The following SLC9A7 variants were observed in gnomAD, a reference collection of about 807,000 sequenced individuals.
SLC9A7 encodes the protein sodium/hydrogen exchanger 7.
A neutral mutation model predicts 52.6 loss-of-function variants in SLC9A7; 19 were observed. The ratio of observed to expected loss-of-function variants is 0.36; its 90% confidence interval spans 0.25 to 0.53. The LOEUF is 0.53. Among genes scored for constraint, SLC9A7 ranks in the 20% least tolerant of loss-of-function variants. SLC9A7 has a pLI of 0.91. For synonymous variants in SLC9A7, 226 were observed against 252.1 expected (o/e 0.90, Z 0.98); for missense variants, 455 against 597.9 (o/e 0.76, Z 2.49).
chrX:46,628,558 C>T (rs1569503847), intron 14 of SLC9A7, among the ~76,000 whole-genome samples: 3 of 112,361 alleles, frequency 2.7e-5, no homozygotes, highest in Non-Finnish European at 5.6e-5. Flanking sequence ...TCTGTAGCTC[C>T]CTAGCCATGA....
At chrX:46,686,376 T>A (rs891416585) in intron 1 of SLC9A7, among the ~76,000 whole-genome samples, 21 of 112,015 alleles carry the variant, frequency 1.9e-4, no homozygotes, top group Admixed American at 1.1e-3. Context: ...CCCAGACATT[T>A]TAGATTCATA....
chrX:46,654,131 C>G (rs1943630529), intron 7 of SLC9A7, among the ~76,000 whole-genome samples: 1 of 111,363 alleles, frequency 9.0e-6, no homozygotes, highest in Non-Finnish European at 1.9e-5. Context: ...TGACTCATGC[C>G]TGTAATCCTA....
chrX:46,618,162 T>C (rs190526236), intron 15 of SLC9A7, among the ~76,000 whole-genome samples: 25 of 110,684 alleles, frequency 2.3e-4, no homozygotes, highest in African/African-American at 7.9e-4. Context: ...GTCACAAAGA[T>C]AGAGTGAACC....
chrX:46,680,447 C>G (rs1944195043), intron 2 of SLC9A7, among the ~76,000 whole-genome samples: 1 of 111,319 alleles, frequency 9.0e-6, no homozygotes, highest in Admixed American at 9.6e-5. Context: ...TCCTGGATCC[C>G]CTCACAGAAT....
intron 12 of SLC9A7, among the ~76,000 whole-genome samples, chrX:46,642,602 A>G (rs917613043): frequency 3.6e-5 from 4 of 111,999 alleles, no homozygotes; most frequent in East Asian, 2.8e-4. Flanking sequence ...CCTCTTTACC[A>G]TAAGATGCTG....
At chrX:46,660,704 T>TA in intron 7 of SLC9A7, among the ~76,000 whole-genome samples, 1 of 109,397 alleles carries the variant, frequency 9.1e-6, no homozygotes, top group Middle Eastern at 4.6e-3. Flanking sequence ...TGGCCATCAT[T>TA]AAAAAGTCAG....
intron 1 of SLC9A7, among the ~76,000 whole-genome samples, chrX:46,709,325 T>C (rs1392163873): frequency 9.0e-6 from 1 of 111,011 alleles, no homozygotes; most frequent in Admixed American, 9.6e-5. Context: ...GAGGATTGCT[T>C]GAACCCAGGA....
At chrX:46,661,260 A>G (rs1467051753) in intron 7 of SLC9A7, among the ~76,000 whole-genome samples, 1 of 110,264 alleles carries the variant, frequency 9.1e-6, no homozygotes, top group Non-Finnish European at 1.9e-5. Flanking sequence ...ACTGGGAGAT[A>G]TACCTAATGC....
At chrX:46,752,276 C>T (rs1922289754) in intron 1 of SLC9A7, among the ~76,000 whole-genome samples, 1 of 111,519 alleles carries the variant, frequency 9.0e-6, no homozygotes, top group Non-Finnish European at 1.9e-5. Flanking sequence ...CCTCAATTAT[C>T]ACACCTACAA....
chrX:46,724,183 C>T (rs1944908012), intron 1 of SLC9A7, among the ~76,000 whole-genome samples: 1 of 111,597 alleles, frequency 9.0e-6, no homozygotes, highest in Non-Finnish European at 1.9e-5. Context: ...GTTAACAATC[C>T]CTCATATGAG....
At chrX:46,635,869 G>C (rs780601477) in intron 12 of SLC9A7, among the ~76,000 whole-genome samples, 1 of 111,871 alleles carries the variant, frequency 8.9e-6, no homozygotes, top group South Asian at 3.7e-4. Context: ...GTCAAATGAG[G>C]ATTGATCAGG....
chrX:46,617,951 C>A (rs753107827), intron 15 of SLC9A7, among the ~76,000 whole-genome samples: 269 of 111,589 alleles, frequency 2.4e-3, no homozygotes, highest in Non-Finnish European at 4.0e-3. Context: ...TAATTTGAAC[C>A]AACCTTTCCA....
At chrX:46,728,923 A>C (rs1394583743) in intron 1 of SLC9A7, among the ~76,000 whole-genome samples, 1 of 112,496 alleles carries the variant, frequency 8.9e-6, no homozygotes, top group Non-Finnish European at 1.9e-5. Flanking sequence ...TGTTCTAAAA[A>C]CGGCAAAACT....
rs57570264 is a variant in SLC9A7 at position 46,711,899 on chromosome X, TACAC to T, written c.326-29368_326-29365del. On this transcript the variant is annotated intron_variant, in intron 1 of 16. Transcript: ENST00000616978. ...CCCTTTAACGGCACAGCCTCTAAAT[TACAC>T]ACACACACACACACACACACACACA... Among the ~76,000 whole-genome samples the T allele has an allele frequency of 5.7e-3, 522 of 91,114 alleles. 2 individuals carry two copies. Among genetic ancestry groups the T allele is most frequent in the African/African-American group, 0.011 (252 of 23,066 alleles). The allele number at this position is 91,114 out of a possible 115,157, so 79.1% of individuals were successfully genotyped here.
At chrX:46,728,318 A>G (rs886479824) in intron 1 of SLC9A7, among the ~76,000 whole-genome samples, 4 of 111,962 alleles carry the variant, frequency 3.6e-5, no homozygotes, top group Admixed American at 9.5e-5. Flanking sequence ...TTAGACAAAA[A>G]AAGATAAATT....
At chrX:46,745,720 C>T (rs1005677395) in intron 1 of SLC9A7, among the ~76,000 whole-genome samples, 2 of 109,692 alleles carry the variant, frequency 1.8e-5, no homozygotes, top group Non-Finnish European at 3.8e-5. Flanking sequence ...TGGTATGTGC[C>T]TGTAGTCCTA....
chrX:46,661,298 A>G, intron 7 of SLC9A7, among the ~76,000 whole-genome samples: 1 of 110,332 alleles, frequency 9.1e-6, no homozygotes. Context: ...GGTGCAGCGC[A>G]CCAGCATGGC....
chrX:46,638,215 ATC>A (rs1174971731), intron 12 of SLC9A7, among the ~76,000 whole-genome samples: 3 of 112,403 alleles, frequency 2.7e-5, no homozygotes, highest in African/African-American at 9.7e-5. Flanking sequence ...AGAAAAATTA[ATC>A]TGTTTTATTA....
At chrX:46,700,633 A>G (rs1420132577) in intron 1 of SLC9A7, among the ~76,000 whole-genome samples, 1 of 112,369 alleles carries the variant, frequency 8.9e-6, no homozygotes, top group Non-Finnish European at 1.9e-5. Context: ...ATGCAGGTAC[A>G]CTGATCTTGG....
Sources: gnomAD v4.1 joint callset for allele counts (sites outside exome capture counted in the v4.1 genomes callset) on GRCh38, gnomAD v4.1.1 for gene constraint, MANE v1.5 for transcripts, NCBI Gene and HGNC (gene_info 2026-07-23, HGNC 2026-07-21) for gene names.